Variants in ATG14 observed in about 807,000 individuals in gnomAD.
ATG14 encodes beclin 1-associated autophagy-related key regulator.
Under a neutral mutation model 60.4 loss-of-function variants are expected in ATG14, and 35 were observed. That is an observed-to-expected ratio of 0.58 (90% CI 0.44 to 0.77). The LOEUF (loss-of-function observed/expected upper bound fraction) is 0.77. ATG14 is among the 30% of genes least tolerant of loss of function. ATG14 has a pLI of 0.00. For missense variants in ATG14, 647 were observed against 626.3 expected (o/e 1.03, Z -0.35); for synonymous variants, 234 against 228.8 (o/e 1.02, Z -0.21).
Position 55,377,834 on chromosome 14 carries a change from G to A in ATG14, c.1157C>T (p.Ser386Phe). Reference sequence around the variant, plus strand: ...ATCTTCTTACCTGCCTAGGTGTTCAGAGCTTGGACTGACCAGGTACATTAG... The same window carrying A: ...ATCTTCTTACCTGCCTAGGTGTTCAAAGCTTGGACTGACCAGGTACATTAG... The part of the protein sequence containing the change: ...RNLMYLVSPS[S>F]EHLGRSGPFE... Residue 386 changes from serine to phenylalanine, a missense_variant, in exon 9 of 10, where the codon TCT (serine) becomes TTT (phenylalanine). By Grantham distance (155) the Ser-to-Phe change is radical (BLOSUM62 -2). Transcript: ENST00000247178. The A allele has an allele frequency of 1.3e-6, 2 of 1,592,364 alleles. No homozygotes were observed. Among genetic ancestry groups the A allele is most frequent in the Non-Finnish European group, 1.7e-6 (2 of 1,172,960 alleles).
chr14:55,370,983 G>A (rs563194145), intron 9 of ATG14, among the ~76,000 whole-genome samples: 4 of 152,018 alleles, frequency 2.6e-5, no homozygotes, highest in Non-Finnish European at 5.9e-5. Flanking sequence ...ATGCCCCTCA[G>A]CTCCTGCTCC....
chr14:55,369,463 G>C lies in ATG14; in HGVS notation c.*156C>G. 2.9e-6 allele frequency: 2 copies of C among 690,892 alleles called. No homozygotes were observed. The highest frequency in any genetic ancestry group is 4.5e-4 in the Middle Eastern group (1 of 2,240). The allele number at this position is 690,892 out of a possible 1,614,324, so 42.8% of individuals were successfully genotyped here. A position where few individuals can be genotyped will look rare whatever the true frequency, so the allele number is the denominator to read the frequency against. On this transcript the variant is annotated 3_prime_UTR_variant, in exon 10 of 10. Coordinates refer to ENST00000247178, the MANE Select transcript of ATG14 (RefSeq NM_014924.5). ...ACCATCACAGGCCACTTGGCAAATA[G>C]AAATGTTTGTCTCCCTGCTTAAAAA...
intron 5 of ATG14, 109 bp downstream of exon 5, chr14:55,385,750 G>A (rs1455683175): frequency 2.3e-5 from 23 of 984,116 alleles, no homozygotes; most frequent in Non-Finnish European, 3.2e-5. Flanking sequence ...TCCATCACCA[G>A]GAAAACCAAT....
chr14:55,395,278 T>C (rs1327190675), intron 3 of ATG14: 4 of 326,630 alleles, frequency 1.2e-5, no homozygotes, highest in East Asian at 8.9e-5. Flanking sequence ...CGAGGCATAG[T>C]GCATCTAGAG....
At chr14:55,370,673 G>A (rs1437939335) in intron 9 of ATG14, among the ~76,000 whole-genome samples, 2 of 151,528 alleles carry the variant, frequency 1.3e-5, no homozygotes, top group Admixed American at 6.6e-5. Flanking sequence ...ACAGAGTCTC[G>A]TTCTGTTGCC....
At chr14:55,374,315 T>TGA (rs1884879375) in intron 9 of ATG14, among the ~76,000 whole-genome samples, 2 of 152,228 alleles carry the variant, frequency 1.3e-5, no homozygotes, top group African/African-American at 4.8e-5. Context: ...CTCCAACTCC[T>TGA]GAGCTCAAGT....
intron 4 of ATG14, among the ~76,000 whole-genome samples, chr14:55,386,953 G>A (rs955287476): frequency 1.1e-4 from 17 of 152,244 alleles, no homozygotes; most frequent in Admixed American, 1.0e-3. Context: ...CCTACTTCAA[G>A]ATTATTTTTG....
chr14:55,383,897 A>G (rs151292996), intron 5 of ATG14, among the ~76,000 whole-genome samples: 8 of 152,324 alleles, frequency 5.3e-5, no homozygotes, highest in African/African-American at 1.9e-4. Context: ...GTGCCAGGCG[A>G]CAGTACTGGG....
At chr14:55,393,338 T>C (rs1020823626) in intron 3 of ATG14, among the ~76,000 whole-genome samples, 1 of 151,272 alleles carries the variant, frequency 6.6e-6, no homozygotes, top group Admixed American at 6.6e-5. Flanking sequence ...TGAGCCGAGA[T>C]CGCGCCACTG....
At chr14:55,375,486 C>T (rs764851812) in intron 9 of ATG14, among the ~76,000 whole-genome samples, 4 of 114,878 alleles carry the variant, frequency 3.5e-5, no homozygotes, top group South Asian at 2.9e-4. Flanking sequence ...CCACGCCGGG[C>T]TAAATTTTTT....
intron 4 of ATG14, among the ~76,000 whole-genome samples, chr14:55,387,483 T>G (rs1236313443): frequency 6.6e-6 from 1 of 152,142 alleles, no homozygotes; most frequent in East Asian, 1.9e-4. Flanking sequence ...CCTATGGTAA[T>G]GTGTTCAGAC....
chr14:55,379,795 T>C (rs75434949), intron 7 of ATG14, among the ~76,000 whole-genome samples: 8,858 of 152,272 alleles, frequency 0.058, 327 homozygotes, highest in South Asian at 0.089. Flanking sequence ...GATCTCAGCA[T>C]CACTGCAACC....
chr14:55,395,459 T>TC (rs1183794496), intron 3 of ATG14, among the ~76,000 whole-genome samples: 3 of 152,224 alleles, frequency 2.0e-5, no homozygotes, highest in African/African-American at 7.2e-5. Flanking sequence ...TTCAAGTGAT[T>TC]CTCCTGCCTC....
At chr14:55,396,852 C>T (rs2050669) in intron 2 of ATG14, among the ~76,000 whole-genome samples, 3 of 151,858 alleles carry the variant, frequency 2.0e-5, no homozygotes, top group South Asian at 2.1e-4. Context: ...CATTCCCCCC[C>T]ACAAAAAAAA....
chr14:55,387,375 G>T (rs756843467), intron 4 of ATG14, among the ~76,000 whole-genome samples: 18 of 152,096 alleles, frequency 1.2e-4, no homozygotes, highest in Non-Finnish European at 2.2e-4. Flanking sequence ...CTAACACTCA[G>T]GCTATCTATT....
intron 7 of ATG14, among the ~76,000 whole-genome samples, chr14:55,378,740 C>A (rs1048524651): frequency 2.6e-5 from 4 of 152,082 alleles, no homozygotes; most frequent in Non-Finnish European, 5.9e-5. Context: ...ACTCTGTCAC[C>A]CAGGCTGGGG....
At chr14:55,384,317 C>T (rs1346931817) in intron 5 of ATG14, among the ~76,000 whole-genome samples, 1 of 152,178 alleles carries the variant, frequency 6.6e-6, no homozygotes, top group Admixed American at 6.5e-5. Flanking sequence ...TTTAAAGTTT[C>T]CCTGTATACA....
At chr14:55,389,899 AT>A (rs1885185460) in intron 4 of ATG14, among the ~76,000 whole-genome samples, 1 of 149,100 alleles carries the variant, frequency 6.7e-6, no homozygotes, top group Admixed American at 6.6e-5. Context: ...ATGATAAAGT[AT>A]AAAGTGTACA....
At chr14:55,401,662 T>TA (rs1163681169) in intron 1 of ATG14, among the ~76,000 whole-genome samples, 2 of 152,234 alleles carry the variant, frequency 1.3e-5, no homozygotes, top group African/African-American at 2.4e-5. Flanking sequence ...TTTTTTCTGT[T>TA]AAAAAAAGGT....
Sources: allele counts gnomAD v4.1 joint callset (sites outside exome capture counted in the v4.1 genomes callset), GRCh38; gene constraint gnomAD v4.1.1; transcripts MANE v1.5; gene names NCBI Gene and HGNC (gene_info 2026-07-23, HGNC 2026-07-21).